The following PTPRD variants were observed in gnomAD, a reference collection of about 807,000 sequenced individuals.
PTPRD encodes receptor-type tyrosine-protein phosphatase delta.
PTPRD carries 34 observed loss-of-function variants against 214.5 expected under a neutral mutation model. That is an observed-to-expected ratio of 0.16 (90% CI 0.12 to 0.21). The LOEUF (loss-of-function observed/expected upper bound fraction) is 0.21, where lower values mean the gene tolerates loss of function less well. Ranked by LOEUF, PTPRD falls within the 10% of genes least tolerant of loss-of-function variation. The pLI is 1.00. For synonymous variants in PTPRD, 1,128 were observed against 845.7 expected (o/e 1.33, Z -5.79); for missense variants, 2,545 against 2,398.7 (o/e 1.06, Z -1.27).
At chr9:10,103,572 C>G (rs1563826282) in intron 3 of PTPRD, among the ~76,000 whole-genome samples, 1 of 150,980 alleles carries the variant, frequency 6.6e-6, no homozygotes, top group Non-Finnish European at 1.5e-5. Context: ...CCCTAAAGCC[C>G]TTTGTGGTTT....
intron 5 of PTPRD, among the ~76,000 whole-genome samples, chr9:9,805,808 G>A (rs2099069515): frequency 6.6e-6 from 1 of 152,022 alleles, no homozygotes; most frequent in African/African-American, 2.4e-5. Flanking sequence ...TGTTCCTCTT[G>A]AACTCAGAAA....
At chr9:10,160,590 G>A (rs2099121715) in intron 3 of PTPRD, among the ~76,000 whole-genome samples, 1 of 151,778 alleles carries the variant, frequency 6.6e-6, no homozygotes. Flanking sequence ...TGAAAATAAA[G>A]GCTATGTAAG....
chr9:10,332,083 T>C (rs533788040), intron 3 of PTPRD, among the ~76,000 whole-genome samples: 32 of 151,972 alleles, frequency 2.1e-4, no homozygotes, highest in African/African-American at 7.5e-4. Flanking sequence ...ATTTAAATTG[T>C]TTTAAAATCA....
intron 11 of PTPRD, among the ~76,000 whole-genome samples, chr9:8,754,076 C>T (rs2154466183): frequency 6.6e-6 from 1 of 152,178 alleles, no homozygotes; most frequent in African/African-American, 2.4e-5. Flanking sequence ...AATCGGGAGG[C>T]AGAGGGTGCA....
At chr9:10,236,948 T>C (rs2099631014) in intron 3 of PTPRD, among the ~76,000 whole-genome samples, 1 of 151,888 alleles carries the variant, frequency 6.6e-6, no homozygotes, top group Non-Finnish European at 1.5e-5. Flanking sequence ...AAAAGATGAA[T>C]AGGTGACTCA....
intron 7 of PTPRD, among the ~76,000 whole-genome samples, chr9:9,616,776 C>A (rs1175718046): frequency 6.6e-6 from 1 of 152,140 alleles, no homozygotes; most frequent in Non-Finnish European, 1.5e-5. Context: ...AGCCAACCAA[C>A]AGCTCTCAGG....
chr9:9,838,778 C>T (rs1489193239), intron 5 of PTPRD, among the ~76,000 whole-genome samples: 1 of 152,034 alleles, frequency 6.6e-6, no homozygotes, highest in Non-Finnish European at 1.5e-5. Flanking sequence ...TAATTAGATC[C>T]CATTTATCAA....
chr9:9,193,602 C>G (rs1172471522), intron 9 of PTPRD, among the ~76,000 whole-genome samples: 1 of 152,136 alleles, frequency 6.6e-6, no homozygotes, highest in African/African-American at 2.4e-5. Context: ...ATGCTGAATA[C>G]TGTAGGCAAC....
At chr9:10,296,430 A>G (rs1301954220) in intron 3 of PTPRD, among the ~76,000 whole-genome samples, 2 of 152,028 alleles carry the variant, frequency 1.3e-5, no homozygotes, top group African/African-American at 4.8e-5. Context: ...TCACTTAGAC[A>G]TCTCATTTTG....
intron 5 of PTPRD, among the ~76,000 whole-genome samples, chr9:9,769,405 A>G (rs1034148433): frequency 7.5e-6 from 1 of 132,736 alleles, no homozygotes; most frequent in Non-Finnish European, 1.5e-5. Context: ...CGCTCACTGC[A>G]AGCTCCGCCT....
chr9:9,326,065 C>G (rs1057124643), intron 9 of PTPRD, among the ~76,000 whole-genome samples: 1 of 152,026 alleles, frequency 6.6e-6, no homozygotes, highest in Non-Finnish European at 1.5e-5. Context: ...GGTGGATAAG[C>G]TTTTTGATGT....
At chr9:9,548,410 T>TTC (rs970971249) in intron 8 of PTPRD, among the ~76,000 whole-genome samples, 2 of 148,370 alleles carry the variant, frequency 1.3e-5, no homozygotes, top group Non-Finnish European at 3.0e-5. Context: ...TTTTTCTTTT[T>TTC]TTTTTTTTTT....
chr9:10,135,166 G>A (rs2098932891), intron 3 of PTPRD, among the ~76,000 whole-genome samples: 1 of 152,038 alleles, frequency 6.6e-6, no homozygotes, highest in South Asian at 2.1e-4. Flanking sequence ...GCTTAGTCAG[G>A]CAAAAATAAA....
chr9:9,298,078 T>G (rs1383625448), intron 9 of PTPRD, among the ~76,000 whole-genome samples: 1 of 151,618 alleles, frequency 6.6e-6, no homozygotes, highest in Admixed American at 6.6e-5. Context: ...AAAAGAAAAC[T>G]CCACATTTTT....
intron 36 of PTPRD, among the ~76,000 whole-genome samples, chr9:8,397,521 A>C (rs1329999166): frequency 6.6e-6 from 1 of 151,678 alleles, no homozygotes; most frequent in Non-Finnish European, 1.5e-5. Flanking sequence ...CCCCTTGCCC[A>C]AAAAAAGAAA....
At chr9:9,510,724 A>G (rs1254347884) in intron 8 of PTPRD, among the ~76,000 whole-genome samples, 1 of 151,164 alleles carries the variant, frequency 6.6e-6, no homozygotes, top group African/African-American at 2.4e-5. Context: ...CGGCCTCACC[A>G]TGATCTCTTC....
intron 5 of PTPRD, among the ~76,000 whole-genome samples, chr9:9,886,821 G>C (rs2153750987): frequency 6.6e-6 from 1 of 152,168 alleles, no homozygotes; most frequent in South Asian, 2.1e-4. Flanking sequence ...GCCATGCTTT[G>C]ATGAAGTTCA....
intron 3 of PTPRD, among the ~76,000 whole-genome samples, chr9:10,037,004 C>A (rs148535044): frequency 6.6e-6 from 1 of 152,020 alleles, no homozygotes; most frequent in Non-Finnish European, 1.5e-5. Flanking sequence ...CCACCCCAGT[C>A]TCCTTGAAGT....
chr9:9,160,221 T>C (rs888502537), intron 10 of PTPRD, among the ~76,000 whole-genome samples: 1 of 152,044 alleles, frequency 6.6e-6, no homozygotes, highest in East Asian at 1.9e-4. Context: ...TGCTTCTGCA[T>C]AGCAAAGGAA....
Sources: gnomAD v4.1 joint callset for allele counts (sites outside exome capture counted in the v4.1 genomes callset) on GRCh38, gnomAD v4.1.1 for gene constraint, MANE v1.5 for transcripts, NCBI Gene and HGNC (gene_info 2026-07-23, HGNC 2026-07-21) for gene names.